Variants in IMMP2L observed in about 807,000 individuals in gnomAD.
IMMP2L encodes inner mitochondrial membrane peptidase subunit 2, also known as mitochondrial inner membrane protease subunit 2.
Under a neutral mutation model 19.3 loss-of-function variants are expected in IMMP2L, and 18 were observed. The observed-to-expected ratio is 0.93, with a 90% CI of 0.64 to 1.38. The LOEUF (loss-of-function observed/expected upper bound fraction) is 1.38. Among genes scored for constraint, IMMP2L ranks in the 40% most tolerant of loss-of-function variants. The pLI, the probability that IMMP2L is intolerant of heterozygous loss-of-function variation, is 0.00. For missense variants in IMMP2L, 233 were observed against 218.2 expected, an observed-to-expected ratio of 1.07 and a Z score of -0.43; for synonymous variants, 76 against 73.0, an observed-to-expected ratio of 1.04 and a Z score of -0.21.
chr7:111,389,306 G>A (rs1832102758), intron 3 of IMMP2L, among the ~76,000 whole-genome samples: 1 of 152,096 alleles, frequency 6.6e-6, no homozygotes, highest in Non-Finnish European at 1.5e-5. Flanking sequence ...CAAAGAGCCA[G>A]GGCAGCTAAA....
intron 3 of IMMP2L, among the ~76,000 whole-genome samples, chr7:111,037,125 A>T (rs1791430007): frequency 6.6e-6 from 1 of 152,176 alleles, no homozygotes; most frequent in African/African-American, 2.4e-5. Context: ...TGTCATCATT[A>T]CACTGTTGTG....
chr7:111,537,599 G>A (rs558978824), intron 1 of IMMP2L, among the ~76,000 whole-genome samples: 3 of 137,494 alleles, frequency 2.2e-5, no homozygotes, highest in South Asian at 2.3e-4. Context: ...GCCGTGGTGC[G>A]ACCTCAGCTC....
rs1801409489 is a variant in IMMP2L, at chr7:110,803,603, C to T, written c.408+82990G>A. 6.6e-6 allele frequency among the ~76,000 whole-genome samples: 1 copy of T among 152,032 alleles called. No homozygotes were observed. ...CTGGAAGAATGTCTTGGGTTGGGGTCTTCCTACCTCTGCTGTGGTTAGTCA... is the reference window on the plus strand; with the variant it reads ...CTGGAAGAATGTCTTGGGTTGGGGTTTTCCTACCTCTGCTGTGGTTAGTCA... On this transcript the variant is annotated intron_variant, in intron 5 of 5. Transcript: ENST00000405709. The surrounding 1 kb of genome is among the most constrained non-coding windows in gnomAD (Gnocchi z 4.2).
chr7:111,425,038 T>C (rs1468496441), intron 3 of IMMP2L, among the ~76,000 whole-genome samples: 1 of 151,872 alleles, frequency 6.6e-6, no homozygotes, highest in Non-Finnish European at 1.5e-5. Flanking sequence ...CCTTCATCAA[T>C]TGCCCTCTGT....
intron 5 of IMMP2L, among the ~76,000 whole-genome samples, chr7:110,840,375 C>T (rs183296564): frequency 8.5e-5 from 13 of 152,202 alleles, no homozygotes; most frequent in Non-Finnish European, 1.6e-4. Flanking sequence ...TATGCTTATA[C>T]ACAGATGATC....
intron 3 of IMMP2L, among the ~76,000 whole-genome samples, chr7:111,151,640 C>T (rs946578624): frequency 3.3e-5 from 5 of 152,224 alleles, no homozygotes; most frequent in East Asian, 1.9e-4. Context: ...GAGTCAATCA[C>T]GGAAATCTGA....
chr7:110,712,193 A>G lies in IMMP2L; in HGVS notation c.409-48472T>C, dbSNP rs1245110224. Reference sequence around the variant, plus strand: ...TGATGAACAGATGGGTTTTCGGTGTAGATGTCCTTTCTGGTTGTTAGTTTT... The same window carrying G: ...TGATGAACAGATGGGTTTTCGGTGTGGATGTCCTTTCTGGTTGTTAGTTTT... On this transcript the variant is annotated intron_variant, in intron 5 of 5. Transcript: ENST00000405709. Among the ~76,000 whole-genome samples, 3 of 135,750 alleles carry G rather than the reference A, an allele frequency of 2.2e-5. 1 individual carries two copies. Among genetic ancestry groups the G allele is most frequent in the African/African-American group, 7.8e-5 (3 of 38,398 alleles). 89.1% of individuals were successfully genotyped at this position (135,750 alleles called of 152,430 possible).
intron 3 of IMMP2L, among the ~76,000 whole-genome samples, chr7:111,146,575 T>C (rs1475952416): frequency 6.6e-6 from 1 of 151,976 alleles, no homozygotes; most frequent in Non-Finnish European, 1.5e-5. Context: ...AGAGTTAATA[T>C]TAAATGTTGC....
At chr7:111,242,221 G>C (rs1041360172) in intron 3 of IMMP2L, among the ~76,000 whole-genome samples, 1 of 152,026 alleles carries the variant, frequency 6.6e-6, no homozygotes, top group African/African-American at 2.4e-5. Context: ...GTGTTGCTCA[G>C]TGATCAGTCA....
intron 3 of IMMP2L, among the ~76,000 whole-genome samples, chr7:111,242,632 G>C (rs1157423898): frequency 6.6e-6 from 1 of 151,940 alleles, no homozygotes; most frequent in Non-Finnish European, 1.5e-5. Flanking sequence ...AGCTTGCTGG[G>C]AGCTTTATTA....
At chr7:110,897,322 A>G (rs1221663895) in intron 4 of IMMP2L, among the ~76,000 whole-genome samples, 1 of 152,200 alleles carries the variant, frequency 6.6e-6, no homozygotes, top group African/African-American at 2.4e-5. Context: ...AAACAATCCA[A>G]TTGAAAATGG....
At chr7:110,980,963 A>G (rs191462285) in intron 3 of IMMP2L, among the ~76,000 whole-genome samples, 2 of 152,336 alleles carry the variant, frequency 1.3e-5, no homozygotes, top group East Asian at 3.9e-4. Context: ...AGTTTTTAGT[A>G]TTCTAGTAGT....
chr7:110,927,537 T>C (rs1346340813), intron 4 of IMMP2L, among the ~76,000 whole-genome samples: 2 of 152,060 alleles, frequency 1.3e-5, no homozygotes, highest in African/African-American at 2.4e-5. Context: ...TAGAGAGATA[T>C]GACTGTAGAA....
intron 3 of IMMP2L, among the ~76,000 whole-genome samples, chr7:111,015,093 T>A (rs1825367422): frequency 6.6e-6 from 1 of 152,182 alleles, no homozygotes; most frequent in Non-Finnish European, 1.5e-5. Context: ...CTTAAAGAGA[T>A]ATTTTCACAC....
At position 111,288,636 on chromosome 7, in the gene IMMP2L, A is replaced by G. The variant is rs181031211; in HGVS notation, c.239+198602T>C. ...GTATGAACAGACACTTCTCAAAAGA[A>G]GACATTTATGCAGCCAACAAACATG... On this transcript the variant is annotated intron_variant, in intron 3 of 5. Coordinates refer to ENST00000405709, the MANE Select transcript of IMMP2L (RefSeq NM_032549.4). Among the ~76,000 whole-genome samples, 833 of 152,288 alleles carry G rather than the reference A, an allele frequency of 5.5e-3. 11 individuals carry two copies. The highest frequency in any genetic ancestry group is 0.019 in the African/African-American group (803 of 41,568).
At chr7:111,197,333 G>C (rs1427475842) in intron 3 of IMMP2L, among the ~76,000 whole-genome samples, 1 of 151,916 alleles carries the variant, frequency 6.6e-6, no homozygotes, top group Admixed American at 6.6e-5. Flanking sequence ...CGTGGTGGCG[G>C]GCGCCTGTAG....
intron 3 of IMMP2L, among the ~76,000 whole-genome samples, chr7:111,380,927 G>C (rs1490933525): frequency 2.0e-5 from 3 of 151,246 alleles, no homozygotes; most frequent in Non-Finnish European, 2.9e-5. Flanking sequence ...TTGATTCTAA[G>C]TGAAAAATAT....
intron 3 of IMMP2L, among the ~76,000 whole-genome samples, chr7:111,442,276 T>C (rs1837821000): frequency 6.6e-6 from 1 of 151,842 alleles, no homozygotes; most frequent in South Asian, 2.1e-4. Context: ...AATCTCACAA[T>C]AGTCTCAGTG....
intron 3 of IMMP2L, among the ~76,000 whole-genome samples, chr7:111,023,268 A>G (rs754720850): frequency 6.6e-5 from 10 of 152,216 alleles, no homozygotes; most frequent in African/African-American, 9.7e-5. Flanking sequence ...TCAGCTAAAC[A>G]CACATGCACT....
Sources: gnomAD v4.1 joint callset for allele counts (sites outside exome capture counted in the v4.1 genomes callset) on GRCh38, gnomAD v4.1.1 for gene constraint, Gnocchi (gnomAD v3.1) non-coding constraint, MANE v1.5 for transcripts, NCBI Gene and HGNC (gene_info 2026-07-23, HGNC 2026-07-21) for gene names.